FHIT: variants seen among roughly 807,000 people sequenced by gnomAD.
FHIT encodes the protein bis(5'-adenosyl)-triphosphatase.
In FHIT, 19 loss-of-function variants were observed where a neutral mutation model predicts 17.9. That is an observed-to-expected ratio of 1.06 (90% CI 0.74 to 1.56). FHIT has a LOEUF of 1.56. Ranked by LOEUF, FHIT falls within the 40% of genes most tolerant of loss-of-function variation. FHIT has a pLI of 0.00. For synonymous variants in FHIT, 81 were observed against 69.7 expected (o/e 1.16, Z -0.81); for missense variants, 248 against 189.2 (o/e 1.31, Z -1.82).
chr3:59,835,354 T>C (rs1047326850), intron 8 of FHIT, among the ~76,000 whole-genome samples: 2 of 152,206 alleles, frequency 1.3e-5, no homozygotes, highest in Admixed American at 6.5e-5. Context: ...CCGCCTATTA[T>C]GTCTAATGTT....
At chr3:59,799,748 C>T (rs1376196682) in intron 8 of FHIT, among the ~76,000 whole-genome samples, 1 of 152,168 alleles carries the variant, frequency 6.6e-6, no homozygotes, top group Non-Finnish European at 1.5e-5. Context: ...CAAGTACTTA[C>T]CTTTGCTGAA....
intron 4 of FHIT, among the ~76,000 whole-genome samples, chr3:60,773,033 T>G (rs541943472): frequency 1.6e-4 from 24 of 152,158 alleles, no homozygotes; most frequent in Non-Finnish European, 3.1e-4. Context: ...ATTTGAATAA[T>G]AACTCCATCT....
chr3:60,863,359 AG>A (rs1230142856), intron 3 of FHIT, among the ~76,000 whole-genome samples: 1 of 152,230 alleles, frequency 6.6e-6, no homozygotes, highest in Non-Finnish European at 1.5e-5. Flanking sequence ...CCTCGATTTT[AG>A]CCCAGTGAGA....
At chr3:61,151,398 A>G (rs2037384491) in intron 2 of FHIT, among the ~76,000 whole-genome samples, 1 of 152,096 alleles carries the variant, frequency 6.6e-6, no homozygotes, top group African/African-American at 2.4e-5. Flanking sequence ...AAACTGCATT[A>G]TTTATCTTAG....
intron 4 of FHIT, among the ~76,000 whole-genome samples, chr3:60,652,044 C>G (rs2040002423): frequency 6.6e-6 from 1 of 152,162 alleles, no homozygotes; most frequent in Non-Finnish European, 1.5e-5. Context: ...CAAAGGAAAC[C>G]ACAGCCTAAA....
intron 5 of FHIT, among the ~76,000 whole-genome samples, chr3:60,108,698 T>C (rs1313666699): frequency 6.6e-6 from 1 of 151,756 alleles, no homozygotes; most frequent in Non-Finnish European, 1.5e-5. Flanking sequence ...AGTCTCGCTT[T>C]TGTCGTCCAG....
intron 5 of FHIT, among the ~76,000 whole-genome samples, chr3:60,147,230 C>T (rs1444192882): frequency 1.3e-5 from 2 of 152,186 alleles, no homozygotes; most frequent in Non-Finnish European, 2.9e-5. Flanking sequence ...TCTTTCAGGA[C>T]TGAAAGCCAA....
At chr3:60,203,504 G>C (rs1703014745) in intron 5 of FHIT, among the ~76,000 whole-genome samples, 1 of 152,128 alleles carries the variant, frequency 6.6e-6, no homozygotes, top group South Asian at 2.1e-4. Flanking sequence ...GTCACACCAA[G>C]AGTTTTTATC....
intron 5 of FHIT, among the ~76,000 whole-genome samples, chr3:60,360,239 T>A (rs542218670): frequency 6.1e-5 from 9 of 147,434 alleles, no homozygotes; most frequent in African/African-American, 2.0e-4. Flanking sequence ...GGCAAGAAAA[T>A]TTTTTTTTTT....
intron 3 of FHIT, among the ~76,000 whole-genome samples, chr3:61,040,455 T>G (rs2033453341): frequency 6.6e-6 from 1 of 152,222 alleles, no homozygotes; most frequent in South Asian, 2.1e-4. Flanking sequence ...TTTTATTAAA[T>G]CCCTTAAAGA....
At chr3:61,112,398 G>A (rs1006009261) in intron 2 of FHIT, among the ~76,000 whole-genome samples, 2 of 151,968 alleles carry the variant, frequency 1.3e-5, no homozygotes, top group African/African-American at 4.8e-5. Flanking sequence ...CCCTTCTGGT[G>A]TGTCCCAGCT....
At chr3:60,824,206 C>T (rs1203757934) in intron 3 of FHIT, among the ~76,000 whole-genome samples, 8 of 152,122 alleles carry the variant, frequency 5.3e-5, no homozygotes, top group African/African-American at 1.7e-4. Context: ...TGCAGTTATC[C>T]TGGTGAATAA....
chr3:60,733,168 G>A (rs2107992548), intron 4 of FHIT, among the ~76,000 whole-genome samples: 1 of 152,314 alleles, frequency 6.6e-6, no homozygotes, highest in South Asian at 2.1e-4. Flanking sequence ...TTGGGAGACT[G>A]CAGGGAGAGG....
intron 5 of FHIT, among the ~76,000 whole-genome samples, chr3:60,059,652 G>A (rs775871016): frequency 6.6e-6 from 1 of 152,114 alleles, no homozygotes; most frequent in Non-Finnish European, 1.5e-5. Context: ...CAGGAGGCAA[G>A]AACTGAGGTT....
At chr3:60,304,759 A>T (rs1708599103) in intron 5 of FHIT, among the ~76,000 whole-genome samples, 1 of 152,146 alleles carries the variant, frequency 6.6e-6, no homozygotes, top group African/African-American at 2.4e-5. Flanking sequence ...TAACTCTGGG[A>T]ACTCTAAATT....
At chr3:60,053,885 A>T (rs1271303484) in intron 5 of FHIT, among the ~76,000 whole-genome samples, 1 of 152,224 alleles carries the variant, frequency 6.6e-6, no homozygotes, top group Non-Finnish European at 1.5e-5. Context: ...TTTCTTAAAA[A>T]TATACAGACA....
chr3:61,193,185 A>G lies in FHIT; in HGVS notation c.-164+7432T>C, dbSNP rs544621871. 1.1e-3 allele frequency among the ~76,000 whole-genome samples: 168 copies of G among 152,308 alleles called. 2 individuals carry two copies. Among genetic ancestry groups the G allele is most frequent in the Non-Finnish European group, 1.2e-4 (8 of 68,028 alleles). The stretch of plus-strand genomic sequence containing the variant: ...ATTTGGGTTGTTTTGTTTTGCTTAA[A>G]AGTGTTGTTCTTTGATCTGTTTAGG... On this transcript the variant is annotated intron_variant, in intron 2 of 9. Coordinates refer to ENST00000492590, the MANE Select transcript of FHIT (RefSeq NM_002012.4).
At chr3:59,855,941 C>T (rs778284586) in intron 8 of FHIT, among the ~76,000 whole-genome samples, 13 of 100,218 alleles carry the variant, frequency 1.3e-4, no homozygotes, top group South Asian at 6.2e-4. Context: ...CCACCACGCC[C>T]GGCTAATTTT....
intron 2 of FHIT, among the ~76,000 whole-genome samples, chr3:61,134,110 C>A (rs2036844099): frequency 6.6e-6 from 1 of 151,246 alleles, no homozygotes; most frequent in Non-Finnish European, 1.5e-5. Context: ...TACACACACA[C>A]ACACACACAC....
Sources: allele counts gnomAD v4.1 joint callset (sites outside exome capture counted in the v4.1 genomes callset), GRCh38; gene constraint gnomAD v4.1.1; transcripts MANE v1.5; gene names NCBI Gene and HGNC (gene_info 2026-07-23, HGNC 2026-07-21).